The following RBFOX1 variants were observed in gnomAD, a reference collection of about 807,000 sequenced individuals.
RBFOX1 encodes RNA binding protein fox-1 homolog 1.
Under a neutral mutation model 57.7 loss-of-function variants are expected in RBFOX1, and 8 were observed. The observed-to-expected ratio is 0.14, with a 90% confidence interval of 0.08 to 0.25. The LOEUF (loss-of-function observed/expected upper bound fraction) is 0.25, where lower values mean the gene tolerates loss of function less well. Among genes scored for constraint, RBFOX1 ranks in the 10% least tolerant of loss-of-function variants. The pLI is 1.00. For synonymous variants in RBFOX1, 326 were observed against 222.4 expected, an observed-to-expected ratio of 1.47 and a Z score of -4.15; for missense variants, 611 against 548.5, an observed-to-expected ratio of 1.11 and a Z score of -1.14.
At chr16:5,645,380 G>C (rs1433931420) in intron 3 of RBFOX1, among the ~76,000 whole-genome samples, 1 of 152,122 alleles carries the variant, frequency 6.6e-6, no homozygotes, top group African/African-American at 2.4e-5. Flanking sequence ...ACACAATGTA[G>C]ATTTGAGGTT....
At chr16:7,080,068 TAC>T (rs1293760129) in intron 4 of RBFOX1, among the ~76,000 whole-genome samples, 10 of 135,670 alleles carry the variant, frequency 7.4e-5, no homozygotes, top group African/African-American at 3.1e-4. Flanking sequence ...ATTATATATA[TAC>T]ATATATACAT....
chr16:7,244,701 G>T (rs2094216941), intron 4 of RBFOX1, among the ~76,000 whole-genome samples: 1 of 152,168 alleles, frequency 6.6e-6, no homozygotes, highest in South Asian at 2.1e-4. Flanking sequence ...AGTTTTCACT[G>T]ACTTTCTTCC....
chr16:5,677,409 C>T (rs2050200489), intron 3 of RBFOX1, among the ~76,000 whole-genome samples: 1 of 152,140 alleles, frequency 6.6e-6, no homozygotes, highest in Admixed American at 6.5e-5. Context: ...AATGAATGCA[C>T]TTTCTATGGG....
chr16:7,690,812 G>A (rs1389740211), intron 14 of RBFOX1, among the ~76,000 whole-genome samples: 1 of 152,234 alleles, frequency 6.6e-6, no homozygotes, highest in African/African-American at 2.4e-5. Flanking sequence ...TAGTCTTAAT[G>A]TTCAAGGTGA....
At chr16:7,354,220 C>G (rs994897015) in intron 4 of RBFOX1, among the ~76,000 whole-genome samples, 2 of 152,164 alleles carry the variant, frequency 1.3e-5, no homozygotes, top group Non-Finnish European at 2.9e-5. Context: ...ATCTGCCCAC[C>G]TCGGCCTCCC....
intron 3 of RBFOX1, among the ~76,000 whole-genome samples, chr16:6,887,140 G>C (rs1482105354): frequency 1.3e-5 from 2 of 152,088 alleles, no homozygotes; most frequent in Non-Finnish European, 2.9e-5. Context: ...CATTGTTATT[G>C]TTGACTCTGC....
chr16:7,304,652 G>A (rs562969118), intron 4 of RBFOX1, among the ~76,000 whole-genome samples: 48 of 152,252 alleles, frequency 3.2e-4, no homozygotes, highest in South Asian at 1.0e-3. Flanking sequence ...TGGAGCCCGG[G>A]CACCTCGCGC....
chr16:5,792,533 A>G (rs1349825528), intron 3 of RBFOX1, among the ~76,000 whole-genome samples: 1 of 152,250 alleles, frequency 6.6e-6, no homozygotes, highest in African/African-American at 2.4e-5. Flanking sequence ...TAGAGAAAAG[A>G]AAATGGCATT....
rs754591159 is a variant in RBFOX1, at chr16:5,945,650, C to G, written c.351+78315C>G. Reference sequence around the variant, plus strand: ...CAGGGCCAGAGCCAGGATCAAAACACAGATGTGGCTGGCTTTAGCACCCCT... The same window carrying G: ...CAGGGCCAGAGCCAGGATCAAAACAGAGATGTGGCTGGCTTTAGCACCCCT... On this transcript the variant is annotated intron_variant, in intron 4 of 19. Coordinates refer to the RBFOX1 transcript ENST00000641259. Among the ~76,000 whole-genome samples, 95 of 152,332 alleles carry G rather than the reference C, an allele frequency of 6.2e-4. 1 individual carries two copies. Among genetic ancestry groups the G allele is most frequent in the Admixed American group, 1.8e-3 (27 of 15,298 alleles).
At chr16:5,488,655 T>G (rs2042726979) in intron 2 of RBFOX1, among the ~76,000 whole-genome samples, 1 of 122,146 alleles carries the variant, frequency 8.2e-6, no homozygotes, top group African/African-American at 3.9e-5. Flanking sequence ...GTGATGATGA[T>G]TATGGGAGAT....
At chr16:5,357,570 G>A (rs1035099227) in intron 1 of RBFOX1, among the ~76,000 whole-genome samples, 1 of 152,198 alleles carries the variant, frequency 6.6e-6, no homozygotes, top group African/African-American at 2.4e-5. Context: ...TGAAAATGTA[G>A]ATTCAGATTC....
chr16:6,855,513 G>T (rs2057682342), intron 3 of RBFOX1, among the ~76,000 whole-genome samples: 2 of 151,770 alleles, frequency 1.3e-5, no homozygotes, highest in Admixed American at 6.6e-5. Context: ...ATTAGCTGGG[G>T]GCGATGGCAG....
At chr16:6,492,350 A>G (rs890903255) in intron 2 of RBFOX1, among the ~76,000 whole-genome samples, 5 of 152,152 alleles carry the variant, frequency 3.3e-5, no homozygotes, top group African/African-American at 1.2e-4. Flanking sequence ...AAGGAGGATC[A>G]TGAGGTCAGG....
rs371925273 is a variant in RBFOX1, at chr16:6,956,933, CA to C, written c.-15-95122del. 1.5e-3 allele frequency among the ~76,000 whole-genome samples: 224 copies of C among 151,940 alleles called. 1 individual carries two copies. The highest frequency in any genetic ancestry group is 2.4e-3 in the Non-Finnish European group (162 of 67,984). ...CAGGAAGGGGTCCAGATCCAGACCC[CA>C]AGTGAGAGTTTTTGGATTTCACACA... On this transcript the variant is annotated intron_variant, in intron 3 of 15. Transcript: ENST00000550418.
chr16:6,639,754 C>T lies in RBFOX1; in HGVS notation c.-63-14849C>T, dbSNP rs368524019. Among the ~76,000 whole-genome samples, 10 of 152,214 alleles carry T rather than the reference C, an allele frequency of 6.6e-5. No homozygotes were observed. The East Asian group carries it at 1.6e-3, about 24-fold the overall frequency. On this transcript the variant is annotated intron_variant, in intron 2 of 15. Transcript: ENST00000550418. The stretch of plus-strand genomic sequence containing the variant: ...ATTAGTTGGTCAAGGTGTTGGGCGC[C>T]TGTAGTCCCAGCTACTCGGGAGGCT...
intron 2 of RBFOX1, among the ~76,000 whole-genome samples, chr16:6,622,630 A>C (rs1365428669): frequency 6.6e-6 from 1 of 152,242 alleles, no homozygotes. Context: ...GATAAAAAAT[A>C]AATAAATGAA....
chr16:6,611,385 G>A (rs575007208), intron 2 of RBFOX1, among the ~76,000 whole-genome samples: 37 of 152,226 alleles, frequency 2.4e-4, no homozygotes, highest in Non-Finnish European at 4.7e-4. Flanking sequence ...GACCTCAGGT[G>A]ATCCATCTGC....
chr16:6,811,603 C>T (rs1027303725), intron 3 of RBFOX1, among the ~76,000 whole-genome samples: 2 of 152,114 alleles, frequency 1.3e-5, no homozygotes, highest in African/African-American at 4.8e-5. Flanking sequence ...GGAAAAGGCA[C>T]AGGAGGCCAG....
At chr16:5,834,622 A>ATAGC (rs2056392855) in intron 3 of RBFOX1, among the ~76,000 whole-genome samples, 2 of 152,032 alleles carry the variant, frequency 1.3e-5, no homozygotes, top group Admixed American at 1.3e-4. Context: ...AGATAGATAG[A>ATAGC]TTGACTGATT....
Sources: allele counts gnomAD v4.1 joint callset (sites outside exome capture counted in the v4.1 genomes callset), GRCh38; gene constraint gnomAD v4.1.1; transcripts MANE v1.5; gene names NCBI Gene and HGNC (gene_info 2026-07-23, HGNC 2026-07-21).